Variants in TBCEL observed in about 807,000 individuals in gnomAD.
The protein encoded by TBCEL is tubulin-specific chaperone cofactor E-like protein.
Under a neutral mutation model 44.2 loss-of-function variants are expected in TBCEL, and 15 were observed. The ratio of observed to expected loss-of-function variants is 0.34; its 90% CI spans 0.23 to 0.52. TBCEL has a LOEUF of 0.52. Among genes scored for constraint, TBCEL ranks in the 20% least tolerant of loss-of-function variants. TBCEL has a pLI of 0.95. For missense variants in TBCEL, 319 were observed against 506.3 expected (o/e 0.63, Z 3.55); for synonymous variants, 171 against 185.4 (o/e 0.92, Z 0.63).
At chr11:121,038,293 T>C (rs1945270222) in intron 2 of TBCEL, among the ~76,000 whole-genome samples, 1 of 152,332 alleles carries the variant, frequency 6.6e-6, no homozygotes, top group Middle Eastern at 3.4e-3. Context: ...AGCAAATATT[T>C]AGAATAAAGC....
chr11:121,087,404 G>T lies in TBCEL; in HGVS notation c.*308G>T. The T allele has an allele frequency of 3.0e-6, 1 of 337,946 alleles. No individual in the cohort carries two copies. Among genetic ancestry groups the T allele is most frequent in the Non-Finnish European group, 5.5e-6 (1 of 181,530 alleles). The allele number at this position is 337,946 out of a possible 1,614,324, so 20.9% of individuals were successfully genotyped here. On this transcript the variant is annotated 3_prime_UTR_variant, in exon 9 of 9. Coordinates refer to ENST00000683345, the MANE Select transcript of TBCEL (RefSeq NM_001363644.2). ...TTCACTGGGATTTGCCTGCCACTTG[G>T]TTATCATTACTGTTGGGTGAACCTG...
intron 1 of TBCEL, among the ~76,000 whole-genome samples, chr11:121,027,051 T>C (rs533327887): frequency 1.1e-4 from 17 of 152,328 alleles, no homozygotes; most frequent in African/African-American, 3.8e-4. Context: ...TATAATACTT[T>C]TTTTTCCTTT....
intron 2 of TBCEL, among the ~76,000 whole-genome samples, chr11:121,042,518 T>A (rs1173566801): frequency 2.6e-5 from 4 of 152,170 alleles, no homozygotes; most frequent in African/African-American, 9.7e-5. Context: ...CACTGTGTGG[T>A]TAGAAAGAAC....
chr11:121,080,785 G>A (rs1946110891), intron 8 of TBCEL, among the ~76,000 whole-genome samples: 1 of 152,138 alleles, frequency 6.6e-6, no homozygotes, highest in South Asian at 2.1e-4. Flanking sequence ...TTGAGGAAAT[G>A]CCCCCAGGTC....
intron 2 of TBCEL, among the ~76,000 whole-genome samples, chr11:121,043,097 G>A (rs1333109262): frequency 6.6e-6 from 1 of 152,122 alleles, no homozygotes; most frequent in East Asian, 1.9e-4. Context: ...TTATTTTATA[G>A]TTGAAGACAC....
At chr11:121,043,849 C>T (rs183263627) in intron 2 of TBCEL, among the ~76,000 whole-genome samples, 76 of 152,130 alleles carry the variant, frequency 5.0e-4, no homozygotes, top group Middle Eastern at 6.8e-3. Flanking sequence ...TTTTATATAT[C>T]GTAATGGTGT....
chr11:121,045,902 A>G, intron 3 of TBCEL, 79 bp downstream of exon 3: 3 of 1,367,528 alleles, frequency 2.2e-6, no homozygotes, highest in Non-Finnish European at 2.9e-6. Flanking sequence ...CTTGTTTGCA[A>G]ATGATTTATT....
chr11:121,073,706 C>A (rs1049397158), intron 8 of TBCEL, among the ~76,000 whole-genome samples: 2 of 151,834 alleles, frequency 1.3e-5, no homozygotes, highest in Non-Finnish European at 2.9e-5. Flanking sequence ...GATATGAATG[C>A]TGACTTTTGC....
chr11:121,059,741 G>A (rs1167440160), intron 7 of TBCEL, among the ~76,000 whole-genome samples: 1 of 151,842 alleles, frequency 6.6e-6, no homozygotes, highest in Non-Finnish European at 1.5e-5. Flanking sequence ...GTTGTGCAAG[G>A]GGAGGTATGA....
intron 8 of TBCEL, among the ~76,000 whole-genome samples, chr11:121,061,188 A>T (rs1204421623): frequency 3.9e-5 from 6 of 152,098 alleles, no homozygotes; most frequent in Admixed American, 6.6e-5. Context: ...CAACCTAGGT[A>T]TATTAGGTTA....
chr11:121,074,509 T>A (rs1188232856), intron 8 of TBCEL, among the ~76,000 whole-genome samples: 1 of 152,038 alleles, frequency 6.6e-6, no homozygotes, highest in African/African-American at 2.4e-5. Flanking sequence ...CATAATAATG[T>A]CTATTTCTGC....
chr11:121,059,848 G>T, intron 7 of TBCEL, 121 bp from the exon 8 acceptor site: 1 of 691,794 alleles, frequency 1.4e-6, no homozygotes. Context: ...TATACAAATG[G>T]AACTACATCA....
chr11:121,060,115 T>A, intron 8 of TBCEL, 30 bp downstream of exon 8: 1 of 1,507,490 alleles, frequency 6.6e-7, no homozygotes, highest in South Asian at 1.1e-5. Context: ...CCAAACACTT[T>A]AGAGGGTGGT....
chr11:121,070,406 A>G (rs1231758431), intron 8 of TBCEL, among the ~76,000 whole-genome samples: 2 of 152,208 alleles, frequency 1.3e-5, no homozygotes. Context: ...ATGCACATGT[A>G]TGTTTATTGT....
chr11:121,048,986 T>A (rs1945482347), intron 4 of TBCEL, among the ~76,000 whole-genome samples: 1 of 151,902 alleles, frequency 6.6e-6, no homozygotes, highest in Non-Finnish European at 1.5e-5. Context: ...GCAGAGCACC[T>A]ACACTATACC....
Position 121,063,794 on chromosome 11 carries a change from T to C in TBCEL, c.956+3709T>C, listed in dbSNP as rs878856936. ...TTGGACAGTGTTCTGTACCTGTTTG[T>C]TGGGGGAGAGGGGTGGATCTCAATC... is the stretch of plus-strand genomic sequence containing the variant. On this transcript the variant is annotated intron_variant, in intron 8 of 8. Coordinates refer to ENST00000683345, the MANE Select transcript of TBCEL (RefSeq NM_001363644.2). Among the ~76,000 whole-genome samples, 29 of 152,322 alleles carry C rather than the reference T, an allele frequency of 1.9e-4. 1 individual carries two copies. The highest frequency in any genetic ancestry group is 1.7e-3 in the Admixed American group (26 of 15,306).
At chr11:121,046,264 A>C (rs1161662283) in intron 3 of TBCEL, among the ~76,000 whole-genome samples, 1 of 152,098 alleles carries the variant, frequency 6.6e-6, no homozygotes, top group East Asian at 1.9e-4. Context: ...TGATCAAGAA[A>C]TGATTCAAAG....
intron 2 of TBCEL, among the ~76,000 whole-genome samples, chr11:121,044,910 A>C (rs1021612898): frequency 6.6e-6 from 1 of 152,176 alleles, no homozygotes; most frequent in Non-Finnish European, 1.5e-5. Flanking sequence ...TGGCTTAAGC[A>C]AAATAGGTTA....
chr11:121,085,668 CT>C (rs897067138), intron 8 of TBCEL, among the ~76,000 whole-genome samples: 2 of 151,672 alleles, frequency 1.3e-5, no homozygotes, highest in South Asian at 2.1e-4. Flanking sequence ...GCACAGCAAT[CT>C]TTTTTTTTCT....
Sources: gnomAD v4.1 joint callset for allele counts (sites outside exome capture counted in the v4.1 genomes callset) on GRCh38, gnomAD v4.1.1 for gene constraint, MANE v1.5 for transcripts, NCBI Gene and HGNC (gene_info 2026-07-23, HGNC 2026-07-21) for gene names.